EXOC2: variants seen among roughly 807,000 people sequenced by gnomAD.
EXOC2 encodes exocyst complex component 2.
Under a neutral mutation model 131.8 loss-of-function variants are expected in EXOC2, and 70 were observed. The observed-to-expected ratio is 0.53, with a 90% CI of 0.44 to 0.65. The LOEUF (loss-of-function observed/expected upper bound fraction) is 0.65. EXOC2 is among the 30% of genes least tolerant of loss of function. EXOC2 has a pLI of 0.00. For missense variants in EXOC2, 923 were observed against 1,108.6 expected (o/e 0.83, Z 2.38); for synonymous variants, 411 against 398.4 (o/e 1.03, Z -0.38).
At chr6:691,698 C>A (rs1000029113) in intron 1 of EXOC2, among the ~76,000 whole-genome samples, 2 of 152,170 alleles carry the variant, frequency 1.3e-5, no homozygotes, top group East Asian at 1.9e-4. Context: ...TGCGTGGGCA[C>A]CCCTAACCCC....
rs143814761 is a variant in EXOC2, at chr6:506,971, T to A, written c.2381-7271A>T. 8.5e-3 allele frequency among the ~76,000 whole-genome samples: 1,299 copies of A among 152,036 alleles called. 17 individuals carry two copies. Among genetic ancestry groups the A allele is most frequent in the African/African-American group, 0.029 (1,184 of 41,436 alleles). On this transcript the variant is annotated intron_variant, in intron 23 of 27. Coordinates refer to ENST00000230449, the MANE Select transcript of EXOC2 (RefSeq NM_018303.6). This position sits in a 1 kb window ranked among gnomAD's most constrained non-coding sequence, Gnocchi z 4.4. Reference sequence around the variant, plus strand: ...TTCCTGAGTGTCCATTATTATTACATGCAGGACACTTTTCCAGGGGCTGGG... The same window carrying A: ...TTCCTGAGTGTCCATTATTATTACAAGCAGGACACTTTTCCAGGGGCTGGG...
At chr6:672,569 G>A (rs1763921777) in intron 1 of EXOC2, among the ~76,000 whole-genome samples, 1 of 152,212 alleles carries the variant, frequency 6.6e-6, no homozygotes, top group South Asian at 2.1e-4. Flanking sequence ...CTAGGCTTCT[G>A]CACTAAGAAG....
chr6:636,037 T>C (rs563212590), intron 2 of EXOC2, among the ~76,000 whole-genome samples: 1 of 152,254 alleles, frequency 6.6e-6, no homozygotes, highest in East Asian at 1.9e-4. Context: ...CACTCTAGCC[T>C]GGCAACAGAG....
intron 11 of EXOC2, among the ~76,000 whole-genome samples, chr6:578,166 TA>T (rs1561880606): frequency 6.6e-6 from 1 of 152,250 alleles, no homozygotes; most frequent in Non-Finnish European, 1.5e-5. Flanking sequence ...ATATATTTTT[TA>T]CTTTATAACT....
chr6:584,937 C>T (rs575299243), intron 11 of EXOC2, among the ~76,000 whole-genome samples: 2 of 152,340 alleles, frequency 1.3e-5, no homozygotes, highest in South Asian at 4.1e-4. Flanking sequence ...TGAAGACCAC[C>T]TTTAAAAATC....
chr6:611,196 C>T (rs1028420418), intron 6 of EXOC2, among the ~76,000 whole-genome samples: 3 of 152,142 alleles, frequency 2.0e-5, no homozygotes, highest in African/African-American at 4.8e-5. Flanking sequence ...TGGACTATGC[C>T]TAAGCATTAG....
chr6:520,799 T>A (rs1765379455), intron 23 of EXOC2, among the ~76,000 whole-genome samples: 1 of 134,898 alleles, frequency 7.4e-6, no homozygotes, highest in Admixed American at 7.3e-5. Flanking sequence ...ACACTCACCG[T>A]CCACACTCGG....
At chr6:624,192 A>C (rs556276858) in intron 4 of EXOC2, among the ~76,000 whole-genome samples, 9 of 152,344 alleles carry the variant, frequency 5.9e-5, no homozygotes, top group South Asian at 4.1e-4. Context: ...GCCAGAGTCC[A>C]TGAAGCTCCA....
intron 1 of EXOC2, among the ~76,000 whole-genome samples, chr6:681,503 G>GA (rs1764402414): frequency 6.6e-6 from 1 of 152,140 alleles, no homozygotes; most frequent in African/African-American, 2.4e-5. Context: ...AAACCAAAAT[G>GA]AGTTTTGCCC....
At chr6:543,176 A>C (rs949977929) in intron 22 of EXOC2, among the ~76,000 whole-genome samples, 1 of 152,216 alleles carries the variant, frequency 6.6e-6, no homozygotes, top group Non-Finnish European at 1.5e-5. Flanking sequence ...GTTGAGAAGA[A>C]AGACTTGGCA....
Position 488,680 on chromosome 6 carries a change from C to CATAG in EXOC2, c.2681+295_2681+298dup, listed in dbSNP as rs536361338. ...TACTAATACAGTTTACTGAATAAGT[C>CATAG]ATAGATAGCTTTCTTAAGACCTTTT... On this transcript the variant is annotated intron_variant, in intron 27 of 27. Coordinates refer to ENST00000230449, the MANE Select transcript of EXOC2 (RefSeq NM_018303.6). 2.6e-3 allele frequency among the ~76,000 whole-genome samples: 402 copies of CATAG among 152,116 alleles called. 6 individuals carry two copies. The highest frequency in any genetic ancestry group is 6.8e-3 in the Middle Eastern group (2 of 294).
intron 1 of EXOC2, among the ~76,000 whole-genome samples, chr6:686,701 C>A (rs1469301825): frequency 6.6e-6 from 1 of 152,180 alleles, no homozygotes; most frequent in Non-Finnish European, 1.5e-5. Context: ...TGCTTTATTC[C>A]CCCAGGAACC....
Position 656,139 on chromosome 6 carries a change from A to G in EXOC2, c.-43-18278T>C, listed in dbSNP as rs200619909. 32 of 1,612,810 alleles carry G rather than the reference A, an allele frequency of 2.0e-5. No homozygotes were observed. In the Middle Eastern group the frequency reaches 4.9e-4, roughly 25 times the overall value. On this transcript the variant is annotated intron_variant, in intron 1 of 27. Transcript: ENST00000230449. ...GGCAGGAATGAAATACTGAAGAGAG[A>G]CATCTTCTTGAACCAAAACAAGCTG... is the stretch of plus-strand genomic sequence containing the variant.
chr6:564,947 CAAAAT>C lies in EXOC2; in HGVS notation c.1444-23_1444-19del. 6.4e-7 allele frequency: 1 copy of C among 1,564,584 alleles called. No homozygotes were observed. Among genetic ancestry groups the C allele is most frequent in the Non-Finnish European group, 8.7e-7 (1 of 1,153,614 alleles). ...TCAGCAGTCTTAAAAATTAAAAAAA[CAAAAT>C]AAAACATATTAGAAATAATTTAAAA... is the stretch of plus-strand genomic sequence containing the variant. On this transcript the variant is annotated intron_variant, in intron 13 of 27. Coordinates refer to ENST00000230449, the MANE Select transcript of EXOC2 (RefSeq NM_018303.6).
chr6:540,498 T>A lies in EXOC2; in HGVS notation c.2239-7888A>T, dbSNP rs566119357. Among the ~76,000 whole-genome samples the A allele has an allele frequency of 3.3e-5, 5 of 152,300 alleles. No individual in the cohort carries two copies. In the East Asian group the frequency reaches 9.6e-4, roughly 29 times the overall value. The stretch of plus-strand genomic sequence containing the variant: ...TTACTTAGTAACAAAAAACAAAGTT[T>A]CTGGAGAAGAAACACAACTGAAATA... On this transcript the variant is annotated intron_variant, in intron 22 of 27. Coordinates refer to ENST00000230449, the MANE Select transcript of EXOC2 (RefSeq NM_018303.6).
At chr6:565,066 T>C in intron 13 of EXOC2, 137 bp from the exon 14 acceptor site, 1 of 605,520 alleles carries the variant, frequency 1.7e-6, no homozygotes, top group East Asian at 3.2e-5. Flanking sequence ...ATAATCTATG[T>C]TTCTGATTAA....
At chr6:501,133 TATATCTA>T (rs1265031217) in intron 23 of EXOC2, among the ~76,000 whole-genome samples, 2 of 16,724 alleles carry the variant, frequency 1.2e-4, no homozygotes, top group African/African-American at 1.9e-4. Context: ...ATATATTATA[TATATCTA>T]TATATATTAT....
At position 491,113 on chromosome 6, in the gene EXOC2, A is replaced by G; in HGVS notation, c.2621+12T>C. 1 of 1,614,056 alleles carries G rather than the reference A, an allele frequency of 6.2e-7. No homozygotes were observed. The highest frequency in any genetic ancestry group is 8.5e-7 in the Non-Finnish European group (1 of 1,179,880). On this transcript the variant is annotated intron_variant, in intron 26 of 27. Coordinates refer to ENST00000230449, the MANE Select transcript of EXOC2 (RefSeq NM_018303.6). ...TTAATAGAGCACTCAACTAAAGAAC[A>G]CTGCCACTTACTTGCTTTCGGGTGT...
chr6:579,495 G>A (rs1758768595), intron 11 of EXOC2, among the ~76,000 whole-genome samples: 1 of 152,176 alleles, frequency 6.6e-6, no homozygotes, highest in African/African-American at 2.4e-5. Context: ...ATCAGCATCT[G>A]GAATACATTC....
Sources: gnomAD v4.1 joint callset for allele counts (sites outside exome capture counted in the v4.1 genomes callset) on GRCh38, gnomAD v4.1.1 for gene constraint, Gnocchi (gnomAD v3.1) non-coding constraint, MANE v1.5 for transcripts, NCBI Gene and HGNC (gene_info 2026-07-23, HGNC 2026-07-21) for gene names.